NXPH1: variants seen among roughly 807,000 people sequenced by gnomAD.
The protein encoded by NXPH1 is neurexophilin-1.
In NXPH1, 5 loss-of-function variants were observed where a neutral mutation model predicts 23.7. That is an observed-to-expected ratio of 0.21 (90% CI 0.11 to 0.44). The LOEUF (loss-of-function observed/expected upper bound fraction) is 0.44, where lower values mean the gene tolerates loss of function less well. Ranked by LOEUF, NXPH1 falls within the 20% of genes least tolerant of loss-of-function variation. The pLI, the probability that NXPH1 is intolerant of heterozygous loss-of-function variation, is 0.99. For synonymous variants in NXPH1, 144 were observed against 122.2 expected, an observed-to-expected ratio of 1.18 and a Z score of -1.18; for missense variants, 324 against 321.6, an observed-to-expected ratio of 1.01 and a Z score of -0.06.
intron 2 of NXPH1, among the ~76,000 whole-genome samples, chr7:8,634,290 C>T (rs1269504186): frequency 6.6e-6 from 1 of 152,140 alleles, no homozygotes; most frequent in Non-Finnish European, 1.5e-5. Context: ...GGTTCCCCTG[C>T]ACATGTTCTC....
intron 2 of NXPH1, among the ~76,000 whole-genome samples, chr7:8,700,422 TAGAC>T (rs527563102): frequency 4.3e-4 from 65 of 152,268 alleles, no homozygotes; most frequent in African/African-American, 1.5e-3. Context: ...ATTTGCTTCT[TAGAC>T]AGTTCCTGTA....
intron 2 of NXPH1, among the ~76,000 whole-genome samples, chr7:8,640,391 A>AT (rs1429144155): frequency 6.6e-6 from 1 of 151,436 alleles, no homozygotes; most frequent in African/African-American, 2.4e-5. Context: ...TGAGTACTCC[A>AT]TTTTTTTCAC....
intron 2 of NXPH1, among the ~76,000 whole-genome samples, chr7:8,441,320 G>C (rs1186938624): frequency 6.6e-6 from 1 of 152,068 alleles, no homozygotes; most frequent in African/African-American, 2.4e-5. Flanking sequence ...TTTCAGTCTT[G>C]ATTTATCCAC....
At chr7:8,666,551 A>G (rs1036138233) in intron 2 of NXPH1, among the ~76,000 whole-genome samples, 3 of 152,092 alleles carry the variant, frequency 2.0e-5, no homozygotes, top group African/African-American at 7.2e-5. Context: ...GCCTTGTACA[A>G]TAAGTTTGGA....
intron 2 of NXPH1, among the ~76,000 whole-genome samples, chr7:8,536,960 A>G (rs1277769311): frequency 6.6e-6 from 1 of 151,980 alleles, no homozygotes; most frequent in Non-Finnish European, 1.5e-5. Flanking sequence ...TGAGAGTTTT[A>G]TTATGAATAG....
intron 2 of NXPH1, among the ~76,000 whole-genome samples, chr7:8,571,156 C>A (rs965642829): frequency 1.3e-5 from 2 of 151,826 alleles, no homozygotes; most frequent in Non-Finnish European, 2.9e-5. Flanking sequence ...TTAACAAGAT[C>A]TCCAGGTGAG....
intron 2 of NXPH1, among the ~76,000 whole-genome samples, chr7:8,455,073 A>C (rs1184585839): frequency 6.6e-6 from 1 of 152,170 alleles, no homozygotes; most frequent in Admixed American, 6.5e-5. Flanking sequence ...CCAGAGGGCT[A>C]CATGTTTGTG....
intron 2 of NXPH1, among the ~76,000 whole-genome samples, chr7:8,731,457 C>T (rs537664242): frequency 6.6e-6 from 1 of 152,164 alleles, no homozygotes; most frequent in South Asian, 2.1e-4. Flanking sequence ...CTGTTTTTTC[C>T]CCATCTTTGT....
At chr7:8,581,501 C>G (rs928975596) in intron 2 of NXPH1, among the ~76,000 whole-genome samples, 9 of 152,174 alleles carry the variant, frequency 5.9e-5, no homozygotes, top group African/African-American at 2.2e-4. Context: ...AGCTCACTCA[C>G]TGTCATGGAA....
At chr7:8,605,651 G>A (rs545550950) in intron 2 of NXPH1, among the ~76,000 whole-genome samples, 121 of 152,120 alleles carry the variant, frequency 8.0e-4, no homozygotes, top group African/African-American at 2.7e-3. Flanking sequence ...GATGTTCAAC[G>A]TCAGAGATCA....
At chr7:8,524,068 C>A (rs1353215237) in intron 2 of NXPH1, among the ~76,000 whole-genome samples, 1 of 151,800 alleles carries the variant, frequency 6.6e-6, no homozygotes, top group African/African-American at 2.4e-5. Context: ...GATGGTGAAA[C>A]CCCTTCTCTA....
At chr7:8,578,227 T>G (rs1328841079) in intron 2 of NXPH1, among the ~76,000 whole-genome samples, 2 of 152,232 alleles carry the variant, frequency 1.3e-5, no homozygotes, top group Non-Finnish European at 2.9e-5. Context: ...GCTTTCATCC[T>G]GATAAACCCA....
At chr7:8,530,311 T>C (rs181892909) in intron 2 of NXPH1, among the ~76,000 whole-genome samples, 3 of 152,312 alleles carry the variant, frequency 2.0e-5, no homozygotes, top group African/African-American at 7.2e-5. Flanking sequence ...TTTTCCAATA[T>C]TGAGACCTAA....
chr7:8,737,453 A>G (rs1780280591), intron 2 of NXPH1, among the ~76,000 whole-genome samples: 1 of 152,176 alleles, frequency 6.6e-6, no homozygotes, highest in African/African-American at 2.4e-5. Flanking sequence ...AATGTTAAAT[A>G]TTGGCCCCCA....
chr7:8,503,842 G>T (rs1157014136), intron 2 of NXPH1, among the ~76,000 whole-genome samples: 1 of 151,928 alleles, frequency 6.6e-6, no homozygotes. Flanking sequence ...CTGAATAGCT[G>T]CCCTGGTCAC....
intron 2 of NXPH1, among the ~76,000 whole-genome samples, chr7:8,509,995 T>C (rs1284509575): frequency 6.6e-6 from 1 of 152,136 alleles, no homozygotes; most frequent in Non-Finnish European, 1.5e-5. Flanking sequence ...AAAGATTCTA[T>C]TTAGATGTTC....
intron 2 of NXPH1, among the ~76,000 whole-genome samples, chr7:8,663,565 G>C (rs114185264): frequency 7.7e-4 from 117 of 152,064 alleles, no homozygotes; most frequent in African/African-American, 2.6e-3. Context: ...CTGTTTTAAG[G>C]CTACAAAACC....
intron 2 of NXPH1, among the ~76,000 whole-genome samples, chr7:8,606,130 C>T (rs1048663269): frequency 6.6e-6 from 1 of 152,038 alleles, no homozygotes; most frequent in Non-Finnish European, 1.5e-5. Flanking sequence ...ACAAGTTGAC[C>T]TTTTCAGGTA....
intron 2 of NXPH1, among the ~76,000 whole-genome samples, chr7:8,595,297 A>C (rs899962614): frequency 6.6e-6 from 1 of 152,052 alleles, no homozygotes; most frequent in African/African-American, 2.4e-5. Context: ...AAAGACAACA[A>C]ATATGCATTT....
Sources: gnomAD v4.1 joint callset for allele counts (sites outside exome capture counted in the v4.1 genomes callset) on GRCh38, gnomAD v4.1.1 for gene constraint, MANE v1.5 for transcripts, NCBI Gene and HGNC (gene_info 2026-07-23, HGNC 2026-07-21) for gene names.